NCOR1: variants seen among roughly 807,000 people sequenced by gnomAD.
NCOR1 encodes the protein protein phosphatase 1, regulatory subunit 109.
In NCOR1, 63 loss-of-function variants were observed where a neutral mutation model predicts 288.1. That is an observed-to-expected ratio of 0.22 (90% CI 0.18 to 0.27). NCOR1 has a LOEUF of 0.27. NCOR1 is among the 10% of genes least tolerant of loss of function. NCOR1 has a pLI of 1.00. For synonymous variants in NCOR1, 1,007 were observed against 1,065.9 expected (o/e 0.94, Z 1.08); for missense variants, 2,397 against 3,019.2 (o/e 0.79, Z 4.83).
At chr17:16,164,812 AAATG>A (rs757615101) in intron 5 of NCOR1, 163 bp downstream of exon 5, 22 of 504,440 alleles carry the variant, frequency 4.4e-5, no homozygotes, top group Non-Finnish European at 7.3e-5. Context: ...GCAGCAAGGA[AAATG>A]AATGAATGTA....
intron 8 of NCOR1, among the ~76,000 whole-genome samples, chr17:16,150,706 A>G (rs995228886): frequency 3.5e-5 from 5 of 144,288 alleles, no homozygotes; most frequent in Admixed American, 6.8e-5. Flanking sequence ...CTTTGTGGGA[A>G]AAAAAAAAAA....
chr17:16,183,547 A>T (rs1178302722), intron 3 of NCOR1, among the ~76,000 whole-genome samples: 1 of 152,124 alleles, frequency 6.6e-6, no homozygotes, highest in African/African-American at 2.4e-5. Context: ...GAGGTGAAAG[A>T]TCTGTATATT....
intron 27 of NCOR1, 124 bp from the exon 28 acceptor site, chr17:16,073,693 T>C (rs1427496346): frequency 1.4e-6 from 1 of 727,916 alleles, no homozygotes; most frequent in Non-Finnish European, 1.9e-6. Flanking sequence ...TAACCTACAA[T>C]AAAATATGTG....
intron 15 of NCOR1, among the ~76,000 whole-genome samples, chr17:16,123,843 C>T (rs2073484669): frequency 6.6e-6 from 1 of 152,170 alleles, no homozygotes; most frequent in Non-Finnish European, 1.5e-5. Context: ...TAAAGTAATA[C>T]TTGTACTTTA....
At chr17:16,151,387 C>T (rs567321656) in intron 8 of NCOR1, among the ~76,000 whole-genome samples, 2 of 152,048 alleles carry the variant, frequency 1.3e-5, no homozygotes, top group Non-Finnish European at 2.9e-5. Context: ...GGTGACTGAG[C>T]GCTTCCAAGG....
chr17:16,154,036 TTTTTA>T (rs1236719495), intron 6 of NCOR1, among the ~76,000 whole-genome samples: 1 of 145,388 alleles, frequency 6.9e-6, no homozygotes, highest in Non-Finnish European at 1.5e-5. Flanking sequence ...TTTTTTTTTT[TTTTTA>T]TTTGAGACAG....
chr17:16,210,077 T>C (rs1410078335), intron 1 of NCOR1, among the ~76,000 whole-genome samples: 2 of 151,476 alleles, frequency 1.3e-5, no homozygotes, highest in African/African-American at 4.8e-5. Flanking sequence ...CAGCTAATTT[T>C]ATAAAATAAT....
chr17:16,209,111 G>C (rs576252338), intron 1 of NCOR1, among the ~76,000 whole-genome samples: 55 of 152,114 alleles, frequency 3.6e-4, no homozygotes, highest in Admixed American at 2.9e-3. Context: ...AAGGGCTTAC[G>C]GTCTAGAGGC....
At chr17:16,120,901 ACTTTGACATTAAAGTTT>A in intron 16 of NCOR1, 134 bp downstream of exon 16, 1 of 661,488 alleles carries the variant, frequency 1.5e-6, no homozygotes, top group Non-Finnish European at 2.4e-6. Context: ...TTTTCAAAAA[ACTTTGACATTAAAGTTT>A]AAAAAATTTA....
chr17:16,127,623 A>G lies in NCOR1; in HGVS notation c.1510-1417T>C, dbSNP rs148985242. Among the ~76,000 whole-genome samples, 766 of 136,878 alleles carry G rather than the reference A, an allele frequency of 5.6e-3. 23 individuals are homozygous for G. The highest frequency in any genetic ancestry group is 0.017 in the African/African-American group (589 of 33,792). The allele number at this position is 136,878 out of a possible 152,430, so 89.8% of individuals were successfully genotyped here. A position where few individuals can be genotyped will look rare whatever the true frequency, so the allele number is the denominator to read the frequency against. On this transcript the variant is annotated intron_variant, in intron 14 of 45. Transcript: ENST00000268712. ...TATACATACATATGTGTATGTGTAT[A>G]TATACATATATGTATATATGTGTAT...
At chr17:16,189,538 C>T (rs1457575381) in intron 2 of NCOR1, among the ~76,000 whole-genome samples, 1 of 151,898 alleles carries the variant, frequency 6.6e-6, no homozygotes, top group Non-Finnish European at 1.5e-5. Context: ...CAGTAAAGCA[C>T]AAAGACATAG....
intron 5 of NCOR1, among the ~76,000 whole-genome samples, chr17:16,161,230 G>GACACACACACAC (rs67635232): frequency 3.5e-5 from 5 of 143,236 alleles, no homozygotes; most frequent in East Asian, 2.2e-4. Flanking sequence ...AACACACACA[G>GACACACACACAC]ACACACACAC....
intron 15 of NCOR1, among the ~76,000 whole-genome samples, chr17:16,123,415 C>T (rs1338616718): frequency 1.3e-5 from 2 of 152,136 alleles, no homozygotes; most frequent in African/African-American, 4.8e-5. Flanking sequence ...TACTGGCCTC[C>T]CTGATTCATA....
chr17:16,131,767 A>G (rs1161174918), intron 14 of NCOR1, among the ~76,000 whole-genome samples: 3 of 152,262 alleles, frequency 2.0e-5, no homozygotes, highest in African/African-American at 7.2e-5. Flanking sequence ...GAAAGCTGTC[A>G]ATCACCAAAA....
At chr17:16,132,235 G>A (rs1235082821) in intron 14 of NCOR1, among the ~76,000 whole-genome samples, 1 of 152,150 alleles carries the variant, frequency 6.6e-6, no homozygotes, top group Admixed American at 6.5e-5. Context: ...CAAGCATTTG[G>A]AAATGAAGAA....
intron 14 of NCOR1, among the ~76,000 whole-genome samples, chr17:16,131,861 C>T: frequency 6.6e-6 from 1 of 152,180 alleles, no homozygotes; most frequent in East Asian, 1.9e-4. Flanking sequence ...ACTCCAGGGA[C>T]TTTACACACA....
chr17:16,042,627 G>A, intron 42 of NCOR1, among the ~76,000 whole-genome samples: 1 of 152,182 alleles, frequency 6.6e-6, no homozygotes, highest in East Asian at 1.9e-4. Context: ...TCAGAAATTA[G>A]CAGAATGGAA....
chr17:16,077,396 T>G (rs1442756194), intron 26 of NCOR1, among the ~76,000 whole-genome samples: 1 of 144,018 alleles, frequency 6.9e-6, no homozygotes, highest in South Asian at 2.3e-4. Context: ...AGAGCAAGAC[T>G]CTGTCAAAAA....
intron 4 of NCOR1, among the ~76,000 whole-genome samples, chr17:16,166,048 T>C (rs1171666620): frequency 6.6e-6 from 1 of 152,182 alleles, no homozygotes; most frequent in Non-Finnish European, 1.5e-5. Flanking sequence ...AAGAGATAAC[T>C]GGACAGTTGC....
Sources: allele counts gnomAD v4.1 joint callset (sites outside exome capture counted in the v4.1 genomes callset), GRCh38; gene constraint gnomAD v4.1.1; transcripts MANE v1.5; gene names NCBI Gene and HGNC (gene_info 2026-07-23, HGNC 2026-07-21).